TOGARAM2: variants seen among roughly 807,000 people sequenced by gnomAD.
TOGARAM2 encodes the protein TOG array regulator of axonemal microtubules 2, also known as TOG array regulator of axonemal microtubules protein 2.
TOGARAM2 carries 85 observed loss-of-function variants against 93.3 expected under a neutral mutation model. The ratio of observed to expected loss-of-function variants is 0.91; its 90% CI spans 0.76 to 1.09. The LOEUF is 1.09. Among genes scored for constraint, TOGARAM2 ranks in the 50% least tolerant of loss-of-function variants. The probability of loss-of-function intolerance (pLI) is 0.00; values close to 1 mark genes in which losing one functional copy is unlikely to be tolerated. For missense variants in TOGARAM2, 1,277 were observed against 1,334.5 expected (o/e 0.96, Z 0.67); for synonymous variants, 593 against 552.8 (o/e 1.07, Z -1.02).
chr2:28,956,540 A>AT (rs1553332192), upstream of TOGARAM2: 1 of 152,142 alleles, frequency 6.6e-6, no homozygotes, highest in African/African-American at 2.4e-5. This position sits in a 1 kb window ranked among gnomAD's most constrained non-coding sequence, Gnocchi z 4.5. Flanking sequence ...GTCCCACGTG[A>AT]TGCTGCTGCT....
chr2:29,033,509 G>A lies in TOGARAM2; in HGVS notation c.2171G>A (p.Arg724His), dbSNP rs762657492. The change falls in exon 16 of 20, where the codon CGC becomes CAC. Residue 724 changes from arginine (R) to histidine (H), a missense_variant. Transcript: ENST00000379558. The part of the protein sequence containing the change: ...DNDELPSAKG[R>H]KVLRSLVVCE... ...GATGAACTTCCCTCTGCCAAAGGCC[G>A]CAAGGTGTTGAGGAGTCTGGTGGTG... 38 of 1,613,696 alleles carry A rather than the reference G, an allele frequency of 2.4e-5. No individual in the cohort carries two copies. The highest frequency in any genetic ancestry group is 1.4e-4 in the South Asian group (13 of 90,938).
At chr2:28,972,737 T>A (rs1671966207) in intron 1 of TOGARAM2, among the ~76,000 whole-genome samples, 1 of 152,210 alleles carries the variant, frequency 6.6e-6, no homozygotes, top group African/African-American at 2.4e-5. Flanking sequence ...ACCTTGCATG[T>A]AGGGGACTGT....
Position 29,002,636 on chromosome 2 carries a change from T to G in TOGARAM2, c.528T>G (p.Pro176=), listed in dbSNP as rs72786178. The G allele has an allele frequency of 0.09, 145,582 of 1,613,530 alleles. 10,451 individuals carry two copies. The highest frequency in any genetic ancestry group is 0.39 in the African/African-American group (28,900 of 74,818). ...TGCTGAGGGTGCCCAGGCCGATGCC[T>G]CTCATCCAGAGCATCCCTACCACCC... is the stretch of plus-strand genomic sequence containing the variant. ...QRLLRVPRPM[P]LIQSIPTTPE... is the part of the protein sequence containing the mutation. Residue 176 remains proline (P), a synonymous_variant, in exon 5 of 20, where the codon CCT becomes CCG. Transcript: ENST00000379558.
At chr2:29,033,649 G>T (rs1665913941) in intron 16 of TOGARAM2, 86 bp downstream of exon 16, 2 of 1,289,928 alleles carry the variant, frequency 1.6e-6, no homozygotes, top group South Asian at 2.6e-5. Context: ...GGTGGCTCTG[G>T]GGTGGACATA....
chr2:29,030,551 G>C (rs1335689089), intron 14 of TOGARAM2, among the ~76,000 whole-genome samples: 1 of 152,148 alleles, frequency 6.6e-6, no homozygotes, highest in African/African-American at 2.4e-5. Context: ...AGTCTCTCCA[G>C]ATCTGCTACT....
At chr2:28,977,474 G>A (rs1672054386), upstream of TOGARAM2, among the ~76,000 whole-genome samples, 1 of 152,154 alleles carries the variant, frequency 6.6e-6, no homozygotes, top group African/African-American at 2.4e-5. Flanking sequence ...CCCCCTACCT[G>A]TTCCCTGCCA....
chr2:29,048,549 G>A (rs766090707), intron 19 of TOGARAM2: 4 of 152,028 alleles, frequency 2.6e-5, no homozygotes, highest in East Asian at 1.9e-4. Context: ...CTGTCTCTAC[G>A]ATTTTGGCTA....
rs963452058 is a variant in TOGARAM2 at position 29,032,926 on chromosome 2, T to C, written c.2013-8T>C. 1.9e-6 allele frequency: 3 copies of C among 1,611,834 alleles called. No homozygotes were observed. The highest frequency in any genetic ancestry group is 2.2e-5 in the East Asian group (1 of 44,878). ...TGTTTCTTTATCTTGCTCTCTCTCC[T>C]GTGGCAGATTTTATGGCCGGAAGAT... On this transcript the variant is annotated splice_region_variant and splice_polypyrimidine_tract_variant and intron_variant, in intron 14 of 19. Coordinates refer to ENST00000379558, the MANE Select transcript of TOGARAM2 (RefSeq NM_199280.4).
upstream of TOGARAM2, among the ~76,000 whole-genome samples, chr2:28,978,394 G>A (rs1264295786): frequency 6.6e-6 from 1 of 152,146 alleles, no homozygotes. Flanking sequence ...TTTGGATATA[G>A]GATGCTCAGG....
chr2:28,983,198 A>ATATATATATATATATATATATT (rs1196223294), intron 1 of TOGARAM2, among the ~76,000 whole-genome samples: 1 of 56,622 alleles, frequency 1.8e-5, no homozygotes, highest in African/African-American at 8.3e-5. Flanking sequence ...ATATATATAT[A>ATATATATATATATATATATATT]TTTTTTTTTT....
At chr2:28,987,450 C>T (rs778319887) in intron 1 of TOGARAM2, among the ~76,000 whole-genome samples, 4 of 152,136 alleles carry the variant, frequency 2.6e-5, no homozygotes, top group Non-Finnish European at 4.4e-5. Context: ...CCACCACGCC[C>T]AGCTAATTTT....
intron 1 of TOGARAM2, among the ~76,000 whole-genome samples, chr2:28,968,859 C>T (rs1053855106): frequency 7.3e-6 from 1 of 136,960 alleles, no homozygotes; most frequent in Non-Finnish European, 1.6e-5. Flanking sequence ...AAGAAAAAAG[C>T]GCATGCCGAA....
chr2:28,979,069 G>T (rs565491495), upstream of TOGARAM2, among the ~76,000 whole-genome samples: 1 of 152,272 alleles, frequency 6.6e-6, no homozygotes, highest in African/African-American at 2.4e-5. Context: ...GGTCTCTTCA[G>T]GGGAGTTCCA....
chr2:28,959,178 G>C (rs1271750175), intron 1 of TOGARAM2, among the ~76,000 whole-genome samples: 1 of 152,198 alleles, frequency 6.6e-6, no homozygotes, highest in African/African-American at 2.4e-5. Flanking sequence ...AAAGTGCCCA[G>C]CTGTCAAGAG....
At chr2:29,022,743 G>A (rs919884169) in intron 11 of TOGARAM2, among the ~76,000 whole-genome samples, 2 of 152,204 alleles carry the variant, frequency 1.3e-5, no homozygotes, top group African/African-American at 2.4e-5. Context: ...ACATTTGTGA[G>A]AAGCCCTCCC....
chr2:28,983,212 T>A (rs866358850), intron 1 of TOGARAM2, among the ~76,000 whole-genome samples: 16,280 of 105,462 alleles, frequency 0.15, 1,252 homozygotes, highest in Non-Finnish European at 0.21. Context: ...TTTTTTTTTT[T>A]TTTTTTTTTT....
intron 1 of TOGARAM2, among the ~76,000 whole-genome samples, chr2:28,965,315 C>A (rs997654921): frequency 6.6e-6 from 1 of 152,012 alleles, no homozygotes; most frequent in Admixed American, 6.6e-5. Context: ...CTTTTCTATT[C>A]GTCTCATCTG....
chr2:29,011,934 G>A (rs969223483), intron 7 of TOGARAM2, among the ~76,000 whole-genome samples: 5 of 152,204 alleles, frequency 3.3e-5, no homozygotes, highest in Non-Finnish European at 5.9e-5. Flanking sequence ...TGCCCCTTGC[G>A]GTGTGTTAAG....
At chr2:28,961,059 G>A (rs910162789) in intron 1 of TOGARAM2, among the ~76,000 whole-genome samples, 1 of 152,072 alleles carries the variant, frequency 6.6e-6, no homozygotes, top group African/African-American at 2.4e-5. Context: ...AGATAGAGTG[G>A]CTTGGCAGAG....
Sources: allele counts gnomAD v4.1 joint callset (sites outside exome capture counted in the v4.1 genomes callset), GRCh38; gene constraint gnomAD v4.1.1; non-coding constraint Gnocchi (gnomAD v3.1); transcripts MANE v1.5; gene names NCBI Gene and HGNC (gene_info 2026-07-23, HGNC 2026-07-21).